The following MYBPC2 variants were observed in gnomAD, a reference collection of about 807,000 sequenced individuals.
MYBPC2 encodes myosin-binding protein C, fast-type.
Under a neutral mutation model 137.0 loss-of-function variants are expected in MYBPC2, and 122 were observed. The ratio of observed to expected loss-of-function variants is 0.89; its 90% CI spans 0.77 to 1.03. The LOEUF is 1.03. Among genes scored for constraint, MYBPC2 ranks in the 50% least tolerant of loss-of-function variants. The pLI, the probability that MYBPC2 is intolerant of heterozygous loss-of-function variation, is 0.00. For missense variants in MYBPC2, 1,500 were observed against 1,534.4 expected, an observed-to-expected ratio of 0.98 and a Z score of 0.37; for synonymous variants, 626 against 612.3, an observed-to-expected ratio of 1.02 and a Z score of -0.33.
chr19:50,436,067 G>A lies in MYBPC2; in HGVS notation c.252G>A (p.Pro84=), dbSNP rs546115552. The change falls in exon 4 of 28, where the codon CCG becomes CCA. Residue 84 remains proline (P), a synonymous_variant. Transcript: ENST00000357701. The part of the protein sequence containing the change: ...KVNGKELPDK[P]TIKWFKGKWL... ...ACGGGAAGGAGCTCCCAGACAAACC[G>A]ACCATCAAGTGGTTCAAGGGGAAGT... The A allele has an allele frequency of 1.1e-5, 17 of 1,584,464 alleles. 2 individuals are homozygous for A. Among genetic ancestry groups the A allele is most frequent in the South Asian group, 8.1e-5 (7 of 86,470 alleles).
chr19:50,440,401 C>T (rs76710298), intron 7 of MYBPC2, among the ~76,000 whole-genome samples: 2 of 151,906 alleles, frequency 1.3e-5, no homozygotes, highest in African/African-American at 4.8e-5. Flanking sequence ...TGGTGGCTCA[C>T]ACCTGTAATC....
At chr19:50,464,589 C>T (rs2039998811) in intron 27 of MYBPC2, 57 bp downstream of exon 27, 1 of 1,518,152 alleles carries the variant, frequency 6.6e-7, no homozygotes, top group African/African-American at 1.4e-5. Flanking sequence ...CTGTGCCAGC[C>T]TGGCCGGTGG....
At chr19:50,460,854 C>A (rs1389347673) in intron 24 of MYBPC2, among the ~76,000 whole-genome samples, 3 of 152,056 alleles carry the variant, frequency 2.0e-5, no homozygotes, top group Non-Finnish European at 2.9e-5. Flanking sequence ...CACGTGCCAC[C>A]ACATCCCGCT....
chr19:50,433,530 G>C lies in MYBPC2; in HGVS notation c.19+558G>C, dbSNP rs575339335. ...AACAATTCTCCTGCCTGGGGTAGCT[G>C]GGATTACAGGCCTGCGCCACCATGC... On this transcript the variant is annotated intron_variant, in intron 1 of 27. Transcript: ENST00000357701. Among the ~76,000 whole-genome samples the C allele has an allele frequency of 2.0e-5, 3 of 152,072 alleles. No individual in the cohort carries two copies. The South Asian group carries it at 6.2e-4, about 32-fold the overall frequency.
Position 50,448,284 on chromosome 19 carries a change from G to A in MYBPC2, c.1366G>A (p.Ala456Thr), listed in dbSNP as rs2039824130. The A allele has an allele frequency of 6.2e-7, 1 of 1,613,820 alleles. No homozygotes were observed. The highest frequency in any genetic ancestry group is 8.5e-7 in the Non-Finnish European group (1 of 1,179,840). The change falls in exon 13 of 28, where the codon GCT (alanine) becomes ACT (threonine). Residue 456 changes from alanine (A) to threonine (T), a missense_variant. Coordinates refer to ENST00000357701, the MANE Select transcript of MYBPC2 (RefSeq NM_004533.4). ...TCTGACGGTGAAGGCCTCAGAACAA[G>A]CTGTGTTCAAGTGCGAGGTGTCTGA... Reference protein sequence around the residue: ...ADLTVKASEQAVFKCEVSDEK... With the variant: ...ADLTVKASEQTVFKCEVSDEK...
Position 50,441,013 on chromosome 19 carries a change from A to T in MYBPC2, c.706A>T (p.Thr236Ser). The change falls in exon 8 of 28, where the codon ACC (threonine) becomes TCC (serine). Residue 236 changes from threonine to serine, a missense_variant. Thr to Ser is a moderately conservative substitution (Grantham distance 58). Coordinates refer to ENST00000357701, the MANE Select transcript of MYBPC2 (RefSeq NM_004533.4). Reference sequence around the variant, plus strand: ...GAAAATCGCCTTCCAGTATGGCATCACCGACCTCCGGGGCATGCTGAAGCG... The same window carrying T: ...GAAAATCGCCTTCCAGTATGGCATCTCCGACCTCCGGGGCATGCTGAAGCG... The part of the protein sequence containing the change: ...YEKIAFQYGI[T>S]DLRGMLKRLK... 6.2e-7 allele frequency: 1 copy of T among 1,611,410 alleles called. No individual in the cohort carries two copies. The highest frequency in any genetic ancestry group is 8.5e-7 in the Non-Finnish European group (1 of 1,178,726).
intron 24 of MYBPC2, among the ~76,000 whole-genome samples, chr19:50,460,793 G>A (rs751806528): frequency 8.6e-5 from 13 of 151,912 alleles, no homozygotes; most frequent in Non-Finnish European, 1.5e-4. Context: ...CTGCCTCTGA[G>A]CTCAGGTGAT....
At position 50,436,682 on chromosome 19, in the gene MYBPC2, G is replaced by A. The variant is rs763596400; in HGVS notation, c.411G>A (p.Glu137=). 2 of 1,613,962 alleles carry A rather than the reference G, an allele frequency of 1.2e-6. No individual in the cohort carries two copies. Among genetic ancestry groups the A allele is most frequent in the Non-Finnish European group, 1.7e-6 (2 of 1,179,850 alleles). ...VLGDRGYYRL[E]VKAKDTCDSC... is the part of the protein sequence containing the mutation. ...GGGACCGTGGGTATTACCGCCTCGA[G>A]GTCAAAGCCAAGGACACCTGTGACA... is the stretch of plus-strand genomic sequence containing the variant. The change falls in exon 5 of 28, where the codon GAG becomes GAA. Residue 137 remains glutamate (E), a synonymous_variant. Coordinates refer to ENST00000357701, the MANE Select transcript of MYBPC2 (RefSeq NM_004533.4).
intron 20 of MYBPC2, among the ~76,000 whole-genome samples, chr19:50,457,444 C>G (rs2039923743): frequency 6.6e-6 from 1 of 152,210 alleles, no homozygotes; most frequent in Non-Finnish European, 1.5e-5. Context: ...TTCCCAGACA[C>G]CCACCTGGCT....
At position 50,454,007 on chromosome 19, in the gene MYBPC2, T is replaced by G. The variant is rs1316318619; in HGVS notation, c.1750-13T>G. The G allele has an allele frequency of 6.3e-7, 1 of 1,581,498 alleles. No individual in the cohort carries two copies. The highest frequency in any genetic ancestry group is 1.2e-5 in the South Asian group (1 of 86,670). ...CACGATGGGGTGCAAGGCCATCTGG[T>G]GGCTGCGTTCAGGTATTCACGACCA... On this transcript the variant is annotated splice_polypyrimidine_tract_variant and intron_variant, in intron 16 of 27. Coordinates refer to ENST00000357701, the MANE Select transcript of MYBPC2 (RefSeq NM_004533.4).
intron 13 of MYBPC2, among the ~76,000 whole-genome samples, chr19:50,450,549 G>GTGAGC (rs1325624906): frequency 3.9e-5 from 6 of 152,124 alleles, no homozygotes; most frequent in Non-Finnish European, 7.4e-5. Flanking sequence ...GATTACAGAT[G>GTGAGC]TGAGCCACTG....
In MYBPC2 at chr19:50,445,993, G is replaced by A; in HGVS notation, c.1247G>A (p.Arg416Lys). Residue 416 changes from arginine to lysine, a missense_variant, in exon 12 of 28, where the codon AGG (arginine) becomes AAG (lysine). Transcript: ENST00000357701. ...TTCTCAGACGTGGTCCAGGAGGACA[G>A]GGGTCGCTATCAGGTCATAACCAAT... The part of the protein sequence containing the change: ...LIFSDVVQED[R>K]GRYQVITNGG... 6.2e-7 allele frequency: 1 copy of A among 1,613,442 alleles called. No homozygotes were observed. The highest frequency in any genetic ancestry group is 2.2e-5 in the East Asian group (1 of 44,856).
chr19:50,450,737 C>A, intron 13 of MYBPC2, 92 bp from the exon 14 acceptor site: 2 of 854,202 alleles, frequency 2.3e-6, no homozygotes, highest in Admixed American at 2.2e-5. Context: ...GGCATGTGGA[C>A]TGCACTGAGG....
At chr19:50,437,096 G>A (rs2039710726) in intron 5 of MYBPC2, among the ~76,000 whole-genome samples, 1 of 152,072 alleles carries the variant, frequency 6.6e-6, no homozygotes, top group South Asian at 2.1e-4. Context: ...GGATTAACAG[G>A]AGGTTACACG....
At chr19:50,449,733 G>A (rs1379455533) in intron 13 of MYBPC2, among the ~76,000 whole-genome samples, 1 of 152,230 alleles carries the variant, frequency 6.6e-6, no homozygotes, top group Non-Finnish European at 1.5e-5. Flanking sequence ...GTTATCTGCA[G>A]AATGCAGAGA....
At chr19:50,440,021 C>A (rs1406949585) in intron 7 of MYBPC2, among the ~76,000 whole-genome samples, 3 of 152,054 alleles carry the variant, frequency 2.0e-5, no homozygotes, top group African/African-American at 7.2e-5. Context: ...AAGTGTTCAG[C>A]AAAAGTCAAG....
Position 50,450,854 on chromosome 19 carries a change from G to T in MYBPC2, c.1498G>T (p.Val500Phe). ...GTTCCACAAGCTGGTGATCGATGAC[G>T]TCCGCCCCGAGGATGAGGGAGACTA... is the stretch of plus-strand genomic sequence containing the variant. Reference protein sequence around the residue: ...GRFHKLVIDDVRPEDEGDYTF... With the variant: ...GRFHKLVIDDFRPEDEGDYTF... Residue 500 changes from valine to phenylalanine, a missense_variant, in exon 14 of 28, where the codon GTC becomes TTC. Val to Phe is a conservative substitution (Grantham distance 50). Coordinates refer to ENST00000357701, the MANE Select transcript of MYBPC2 (RefSeq NM_004533.4). 1 of 1,575,782 alleles carries T rather than the reference G, an allele frequency of 6.3e-7. No homozygotes were observed.
chr19:50,463,064 C>T (rs569092598), intron 26 of MYBPC2, among the ~76,000 whole-genome samples: 1 of 152,332 alleles, frequency 6.6e-6, no homozygotes, highest in Non-Finnish European at 1.5e-5. Context: ...GGGACACTTG[C>T]AACCTAGAGC....
At chr19:50,459,348 G>A in intron 23 of MYBPC2, 42 bp downstream of exon 23, 7 of 1,561,126 alleles carry the variant, frequency 4.5e-6, no homozygotes, top group Non-Finnish European at 5.2e-6. Context: ...GGGAGGGGCA[G>A]GGATGGGCAG....
Sources: allele counts gnomAD v4.1 joint callset (sites outside exome capture counted in the v4.1 genomes callset), GRCh38; gene constraint gnomAD v4.1.1; transcripts MANE v1.5; gene names NCBI Gene and HGNC (gene_info 2026-07-23, HGNC 2026-07-21).